The following SYMPK variants were observed in gnomAD, a reference collection of about 807,000 sequenced individuals.
The protein encoded by SYMPK is symplekin.
In SYMPK, 49 loss-of-function variants were observed where a neutral mutation model predicts 136.4. The ratio of observed to expected loss-of-function variants is 0.36; its 90% CI spans 0.29 to 0.46. The LOEUF (loss-of-function observed/expected upper bound fraction) is 0.46. Among genes scored for constraint, SYMPK ranks in the 20% least tolerant of loss-of-function variants. The pLI is 1.00. For synonymous variants in SYMPK, 766 were observed against 713.0 expected (o/e 1.07, Z -1.19); for missense variants, 1,365 against 1,690.0 (o/e 0.81, Z 3.37).
At chr19:45,838,193 C>T (rs918487) in intron 10 of SYMPK, among the ~76,000 whole-genome samples, 21,673 of 151,890 alleles carry the variant, frequency 0.14, 1,630 homozygotes, top group South Asian at 0.18. Flanking sequence ...TCCCTTTCTC[C>T]TGCTCCTGCT....
At chr19:45,861,879 T>TA (rs1971975596) in intron 1 of SYMPK, 1 of 151,946 alleles carries the variant, frequency 6.6e-6, no homozygotes, top group South Asian at 2.1e-4. Flanking sequence ...ACCCCGTCTC[T>TA]ACTAAAAATA....
At chr19:45,845,402 T>C (rs1433890244) in intron 7 of SYMPK, among the ~76,000 whole-genome samples, 1 of 152,190 alleles carries the variant, frequency 6.6e-6, no homozygotes, top group East Asian at 1.9e-4. Context: ...TCTGTCTCCA[T>C]GAGTTCAATT....
At chr19:45,822,728 T>C (rs904621517) in intron 21 of SYMPK, 28 bp downstream of exon 21, 20 of 1,605,694 alleles carry the variant, frequency 1.2e-5, no homozygotes, top group Non-Finnish European at 1.7e-5. Flanking sequence ...GGTGGGCCTC[T>C]TGGTGGGGAT....
intron 9 of SYMPK, among the ~76,000 whole-genome samples, chr19:45,838,819 A>C (rs1049591260): frequency 5.3e-5 from 8 of 152,244 alleles, no homozygotes; most frequent in Admixed American, 2.0e-4. Flanking sequence ...TCTGAACCTC[A>C]GATCTCCTGA....
intron 1 of SYMPK, among the ~76,000 whole-genome samples, chr19:45,862,201 T>C (rs1002204578): frequency 2.0e-5 from 3 of 152,142 alleles, no homozygotes; most frequent in Non-Finnish European, 4.4e-5. Context: ...TTTATGTGGA[T>C]GTATTATAGT....
intron 13 of SYMPK, among the ~76,000 whole-genome samples, chr19:45,829,543 G>C (rs1295662450): frequency 6.6e-6 from 1 of 152,070 alleles, no homozygotes; most frequent in Non-Finnish European, 1.5e-5. Flanking sequence ...TGATGGCCAC[G>C]GAAGAGTACT....
intron 7 of SYMPK, among the ~76,000 whole-genome samples, chr19:45,845,063 T>C (rs1971528776): frequency 6.6e-6 from 1 of 152,168 alleles, no homozygotes; most frequent in Non-Finnish European, 1.5e-5. Flanking sequence ...TATTTTAAAA[T>C]GTATGATTAT....
At position 45,863,072 on chromosome 19, in the gene SYMPK, C is replaced by T. The variant is rs147927761; in HGVS notation, c.-27G>A. 6.4e-3 allele frequency: 2,566 copies of T among 401,732 alleles called. 13 individuals carry two copies. The highest frequency in any genetic ancestry group is 9.6e-3 in the Non-Finnish European group (2,187 of 226,844). 24.9% of individuals were successfully genotyped at this position (401,732 alleles called of 1,614,324 possible). A position where few individuals can be genotyped will look rare whatever the true frequency, so the allele number is the denominator to read the frequency against. On this transcript the variant is annotated 5_prime_UTR_variant, in exon 1 of 27. Transcript: ENST00000245934. ...CTCCCGCTCACCGCAGCTCTGGCCTCCGTTCCCCTCGCGCCCCCTCAGCAG... is the reference window on the plus strand; with the variant it reads ...CTCCCGCTCACCGCAGCTCTGGCCTTCGTTCCCCTCGCGCCCCCTCAGCAG...
In SYMPK at chr19:45,831,533, C is replaced by A. The variant is rs773928434; in HGVS notation, c.1449G>T (p.Lys483Asn). 6.2e-7 allele frequency: 1 copy of A among 1,611,732 alleles called. No homozygotes were observed. Among genetic ancestry groups the A allele is most frequent in the East Asian group, 2.2e-5 (1 of 44,788 alleles). ...KEEPKEEKVV[K>N]TESVLIKRRL... The stretch of plus-strand genomic sequence containing the variant: ...GCCGCTTGATCAGGACGCTCTCTGT[C>A]TTCACCACCTTCTCCTCCTTGGGCT... Residue 483 changes from lysine to asparagine, a missense_variant, in exon 12 of 27, where the codon AAG becomes AAT. Transcript: ENST00000245934.
chr19:45,831,297 A>ACC, intron 12 of SYMPK, 87 bp downstream of exon 12: 1 of 1,097,654 alleles, frequency 9.1e-7, no homozygotes, highest in East Asian at 2.7e-5. Flanking sequence ...ACACACACGC[A>ACC]CACGCACACG....
At chr19:45,827,673 T>C (rs762780240) in intron 15 of SYMPK, 50 bp from the exon 16 acceptor site, 1 of 1,564,166 alleles carries the variant, frequency 6.4e-7, no homozygotes, top group Non-Finnish European at 8.8e-7. Context: ...AGTGTGCCTC[T>C]GGGCTCTGTC....
intron 10 of SYMPK, among the ~76,000 whole-genome samples, chr19:45,836,640 A>T (rs1321672156): frequency 6.6e-6 from 1 of 151,138 alleles, no homozygotes; most frequent in Non-Finnish European, 1.5e-5. Context: ...CAAAAAAAAA[A>T]TGTATTATTT....
rs753483639 is a variant in SYMPK, at chr19:45,816,013, A to AGAGGGAGAGGGG, written c.3513_3524dup (p.Pro1174_Ser1177dup). Reference sequence around the variant, plus strand: ...GGGGCGGGCCTGGCCGGGCCGACGGAGAGGGAGAGGGGGAGGAAGAGGAGG... The same window carrying AGAGGGAGAGGGG: ...GGGGCGGGCCTGGCCGGGCCGACGGAGAGGGAGAGGGGGAGGGAGAGGGGGAGGAAGAGGAGG... On this transcript the variant is annotated inframe_insertion, in exon 26 of 27. Transcript: ENST00000245934. 6 of 1,596,742 alleles carry AGAGGGAGAGGGG rather than the reference A, an allele frequency of 3.8e-6. No individual in the cohort carries two copies. The Admixed American group carries it at 5.2e-5, about 14-fold the overall frequency.
rs1261525711 is a variant in SYMPK at position 45,834,950 on chromosome 19, G to A, written c.1393+128C>T. On this transcript the variant is annotated intron_variant, in intron 11 of 26. Transcript: ENST00000245934. ...ACTGAGCCATCTATCTGTGGTACCT[G>A]TCATTATCTACACCTTAGCTCCCAC... The A allele has an allele frequency of 2.1e-5, 18 of 842,604 alleles. No individual in the cohort carries two copies. The Admixed American group carries it at 4.1e-4, about 19-fold the overall frequency. The allele number at this position is 842,604 out of a possible 1,614,324, so 52.2% of individuals were successfully genotyped here.
chr19:45,853,430 C>T (rs185650127), intron 3 of SYMPK, among the ~76,000 whole-genome samples: 104 of 152,130 alleles, frequency 6.8e-4, no homozygotes, highest in Admixed American at 2.7e-3. Flanking sequence ...CTTGAGCTCA[C>T]GAGTTTGAGA....
At chr19:45,833,969 G>A (rs1971243715) in intron 11 of SYMPK, among the ~76,000 whole-genome samples, 1 of 152,124 alleles carries the variant, frequency 6.6e-6, no homozygotes, top group Non-Finnish European at 1.5e-5. Context: ...TGCTAACACG[G>A]TGAAACCCCG....
intron 3 of SYMPK, 134 bp downstream of exon 3, chr19:45,854,041 C>T (rs745461996): frequency 3.3e-5 from 27 of 822,220 alleles, no homozygotes; most frequent in Non-Finnish European, 5.4e-5. Flanking sequence ...AGAGCAGAGG[C>T]CTGCACTGAG....
intron 21 of SYMPK, among the ~76,000 whole-genome samples, chr19:45,822,133 T>C (rs925183557): frequency 1.4e-5 from 2 of 140,676 alleles, no homozygotes; most frequent in African/African-American, 2.8e-5. Flanking sequence ...TTTTTTTTTT[T>C]TTTGAGATGG....
At chr19:45,849,964 G>A (rs775381942) in intron 5 of SYMPK, among the ~76,000 whole-genome samples, 5 of 152,114 alleles carry the variant, frequency 3.3e-5, no homozygotes, top group African/African-American at 7.2e-5. Context: ...AGAATCACTT[G>A]AACCTGTGTG....
Sources: allele counts gnomAD v4.1 joint callset (sites outside exome capture counted in the v4.1 genomes callset), GRCh38; gene constraint gnomAD v4.1.1; transcripts MANE v1.5; gene names NCBI Gene and HGNC (gene_info 2026-07-23, HGNC 2026-07-21).